The following CDH19 variants were observed in gnomAD, a reference collection of about 807,000 sequenced individuals.
The protein encoded by CDH19 is cadherin-19.
Under a neutral mutation model 64.2 loss-of-function variants are expected in CDH19, and 67 were observed. That is an observed-to-expected ratio of 1.04 (90% CI 0.86 to 1.28). CDH19 has a LOEUF of 1.28. CDH19 is among the 50% of genes most tolerant of loss of function. CDH19 has a pLI of 0.00. For synonymous variants in CDH19, 346 were observed against 319.3 expected (o/e 1.08, Z -0.89); for missense variants, 1,030 against 929.0 (o/e 1.11, Z -1.41).
chr18:66,523,748 C>T (rs1986094743), intron 9 of CDH19, among the ~76,000 whole-genome samples: 1 of 151,906 alleles, frequency 6.6e-6, no homozygotes, highest in African/African-American at 2.4e-5. Context: ...AATCCCCACA[C>T]GTCCAGAGAG....
intron 1 of CDH19, chr18:66,596,389 A>G (rs910991876): frequency 3.3e-5 from 5 of 152,168 alleles, no homozygotes; most frequent in Non-Finnish European, 7.3e-5. Context: ...TTCACAGATA[A>G]TATGATTCTA....
rs988465022 is a variant in CDH19, at chr18:66,501,552, T to G, written c.*3260A>C. ...GAAAGTCCATGGCCTATGGGGAAGG[T>G]GAGGAAGTTGACTTTTATTTTCAAT... On this transcript the variant is annotated 3_prime_UTR_variant, in exon 12 of 12. Coordinates refer to ENST00000262150, the MANE Select transcript of CDH19 (RefSeq NM_021153.4). The G allele has an allele frequency of 1.3e-5, 2 of 151,976 alleles. No individual in the cohort carries two copies. The highest frequency in any genetic ancestry group is 6.6e-5 in the Admixed American group (1 of 15,254). The allele number at this position is 151,976 out of a possible 1,614,324, so 9.4% of individuals were successfully genotyped here.
chr18:66,527,447 C>T (rs542867265), intron 9 of CDH19, among the ~76,000 whole-genome samples: 103 of 151,806 alleles, frequency 6.8e-4, no homozygotes, highest in African/African-American at 2.4e-3. Context: ...GAGGAAAATA[C>T]GAAAATATTA....
At chr18:66,558,095 C>A (rs1987586277) in intron 3 of CDH19, among the ~76,000 whole-genome samples, 1 of 150,624 alleles carries the variant, frequency 6.6e-6, no homozygotes, top group African/African-American at 2.4e-5. Context: ...AGTGTTCAGA[C>A]ATAGCGCCAT....
At chr18:66,534,536 CTAAG>C (rs1364238935) in intron 8 of CDH19, among the ~76,000 whole-genome samples, 2 of 151,844 alleles carry the variant, frequency 1.3e-5, no homozygotes, top group African/African-American at 2.4e-5. Context: ...AATCTATTGA[CTAAG>C]TAATGGAAAT....
intron 9 of CDH19, among the ~76,000 whole-genome samples, chr18:66,528,330 C>T (rs1290851512): frequency 4.6e-5 from 7 of 152,066 alleles, no homozygotes; most frequent in African/African-American, 1.2e-4. Context: ...TCCAAGTTCA[C>T]GTTCATTCTG....
intron 1 of CDH19, among the ~76,000 whole-genome samples, chr18:66,593,456 T>C (rs1988799255): frequency 6.6e-6 from 1 of 152,052 alleles, no homozygotes; most frequent in South Asian, 2.1e-4. Flanking sequence ...ATATAAGTTC[T>C]CTTAAGTGTT....
chr18:66,594,059 A>G (rs1988815582), intron 1 of CDH19, among the ~76,000 whole-genome samples: 1 of 152,170 alleles, frequency 6.6e-6, no homozygotes, highest in South Asian at 2.1e-4. Flanking sequence ...CCACAGGCTC[A>G]AAGTAGAGGA....
At chr18:66,570,887 T>C (rs1988080198) in intron 2 of CDH19, among the ~76,000 whole-genome samples, 1 of 151,500 alleles carries the variant, frequency 6.6e-6, no homozygotes, top group Non-Finnish European at 1.5e-5. Context: ...TAAAAGCCAA[T>C]AGCTGATTTT....
chr18:66,598,405 AC>A (rs1988958234), intron 1 of CDH19, among the ~76,000 whole-genome samples: 1 of 152,140 alleles, frequency 6.6e-6, no homozygotes. Context: ...TCATCACAGC[AC>A]TTTTCACAAT....
At chr18:66,519,590 T>G (rs988237103) in intron 9 of CDH19, among the ~76,000 whole-genome samples, 18 of 152,180 alleles carry the variant, frequency 1.2e-4, no homozygotes, top group Admixed American at 1.2e-3. Context: ...CATGGTTTCC[T>G]ATACATGTGA....
At chr18:66,575,374 A>G (rs77328374) in intron 1 of CDH19, among the ~76,000 whole-genome samples, 3 of 151,890 alleles carry the variant, frequency 2.0e-5, no homozygotes, top group East Asian at 1.9e-4. Flanking sequence ...GCCACAGATA[A>G]AGCCCTCTTT....
intron 1 of CDH19, among the ~76,000 whole-genome samples, chr18:66,584,600 C>T (rs142501397): frequency 3.9e-5 from 6 of 152,096 alleles, no homozygotes; most frequent in East Asian, 1.9e-4. Flanking sequence ...TAAAGGTACA[C>T]GAATGCTCAT....
intron 9 of CDH19, among the ~76,000 whole-genome samples, chr18:66,520,175 A>G (rs1985918058): frequency 6.6e-6 from 1 of 152,044 alleles, no homozygotes; most frequent in Non-Finnish European, 1.5e-5. Flanking sequence ...ACACAGCCAG[A>G]CTCTGTCTCA....
At chr18:66,528,384 C>A (rs1986305601) in intron 9 of CDH19, among the ~76,000 whole-genome samples, 1 of 152,138 alleles carries the variant, frequency 6.6e-6, no homozygotes, top group East Asian at 1.9e-4. Context: ...CCATACATTT[C>A]TAAAATAGTT....
At chr18:66,538,146 T>C (rs957159563) in intron 7 of CDH19, among the ~76,000 whole-genome samples, 60 of 152,272 alleles carry the variant, frequency 3.9e-4, no homozygotes, top group South Asian at 1.0e-3. Flanking sequence ...GTAGAGTACA[T>C]TTCTTCTGAA....
chr18:66,508,453 T>A (rs1360062603), intron 11 of CDH19, among the ~76,000 whole-genome samples: 1 of 151,874 alleles, frequency 6.6e-6, no homozygotes, highest in South Asian at 2.1e-4. Flanking sequence ...CAGTGTTGTA[T>A]AACAATGTGT....
At chr18:66,573,287 T>C (rs1988162705) in intron 1 of CDH19, among the ~76,000 whole-genome samples, 1 of 151,700 alleles carries the variant, frequency 6.6e-6, no homozygotes, top group Admixed American at 6.6e-5. Flanking sequence ...TAGGACTTTT[T>C]CTACATGATT....
chr18:66,528,776 T>G (rs944594174), intron 9 of CDH19, among the ~76,000 whole-genome samples: 1 of 152,114 alleles, frequency 6.6e-6, no homozygotes, highest in African/African-American at 2.4e-5. Flanking sequence ...ATAACTTTGG[T>G]TACTAACATT....
Sources: allele counts gnomAD v4.1 joint callset (sites outside exome capture counted in the v4.1 genomes callset), GRCh38; gene constraint gnomAD v4.1.1; transcripts MANE v1.5; gene names NCBI Gene and HGNC (gene_info 2026-07-23, HGNC 2026-07-21).